HOXA7: variants seen among roughly 807,000 people sequenced by gnomAD.
The protein encoded by HOXA7 is homeobox A7.
A neutral mutation model predicts 16.8 loss-of-function variants in HOXA7; 16 were observed. The ratio of observed to expected loss-of-function variants is 0.95; its 90% CI spans 0.64 to 1.44. HOXA7 has a LOEUF of 1.44. Ranked by LOEUF, HOXA7 falls within the 40% of genes most tolerant of loss-of-function variation. The pLI is 0.00. For synonymous variants in HOXA7, 169 were observed against 144.3 expected, an observed-to-expected ratio of 1.17 and a Z score of -1.23; for missense variants, 379 against 328.6, an observed-to-expected ratio of 1.15 and a Z score of -1.19.
intron 1 of HOXA7, chr7:27,155,486 G>C: frequency 1.9e-6 from 1 of 523,462 alleles, no homozygotes; most frequent in Non-Finnish European, 3.4e-6. Context: ...AGCCGGCTAA[G>C]CTTCCACAAT....
Position 27,156,289 on chromosome 7 carries a change from T to C in HOXA7, c.257A>G (p.Asp86Gly), listed in dbSNP as rs1450272157. Residue 86 changes from aspartate to glycine, a missense_variant, in exon 1 of 2, where the codon GAC becomes GGC. Physicochemically the swap from Asp to Gly is moderately conservative, Grantham distance 94. Transcript: ENST00000242159. ...ACTGCAGAGCCCGGGGATGTTTTGG[T>C]CGTAGGAGGCGCAGGGCAGGTTGCC... is the stretch of plus-strand genomic sequence containing the variant. Reference protein sequence around the residue: ...AYGNLPCASYDQNIPGLCSDL... With the variant: ...AYGNLPCASYGQNIPGLCSDL... 1.9e-6 allele frequency: 3 copies of C among 1,613,460 alleles called. No individual in the cohort carries two copies. The highest frequency in any genetic ancestry group is 2.5e-6 in the Non-Finnish European group (3 of 1,179,856).
Position 27,155,212 on chromosome 7 carries a change from C to T in HOXA7, c.390G>A (p.Arg130=). The T allele has an allele frequency of 6.2e-7, 1 of 1,613,850 alleles. No individual in the cohort carries two copies. The highest frequency in any genetic ancestry group is 8.5e-7 in the Non-Finnish European group (1 of 1,179,952). ...GCGTGTAGGTCTGGCGGCCCCGCTT[C>T]CTGTCAGGTCCTGAGAACAGACATG... ...YPWMRSSGPD[R]KRGRQTYTRY... Residue 130 remains arginine, a synonymous_variant, in exon 2 of 2, where the codon AGG becomes AGA. Transcript: ENST00000242159.
intron 1 of HOXA7, chr7:27,155,716 G>A (rs1382623237): frequency 4.2e-5 from 7 of 168,172 alleles, no homozygotes; most frequent in Non-Finnish European, 7.6e-5. Context: ...ATGGACCCTG[G>A]CACAGGGTCG....
In HOXA7 at chr7:27,154,757, A is replaced by C; in HGVS notation, c.*152T>G. On this transcript the variant is annotated 3_prime_UTR_variant, in exon 2 of 2. Coordinates refer to ENST00000242159, the MANE Select transcript of HOXA7 (RefSeq NM_006896.4). Reference sequence around the variant, plus strand: ...GCTGGAGTAGGTGATGGGGGTGGGTAGAGTGCAGGTTGGGGACTGGGTTGC... The same window carrying C: ...GCTGGAGTAGGTGATGGGGGTGGGTCGAGTGCAGGTTGGGGACTGGGTTGC... 18 of 1,078,706 alleles carry C rather than the reference A, an allele frequency of 1.7e-5. No individual in the cohort carries two copies. Among genetic ancestry groups the C allele is most frequent in the Non-Finnish European group, 1.9e-5 (15 of 777,644 alleles). The allele number at this position is 1,078,706 out of a possible 1,614,324, so 66.8% of individuals were successfully genotyped here.
rs1783107141 is a variant in HOXA7 at position 27,156,351 on chromosome 7, G to T, written c.195C>A (p.Pro65=). The part of the protein sequence containing the change: ...YNVNSPLYQS[P]FASGYGLGAD... ...CGCCCAGGCCGTAGCCGGACGCAAA[G>T]GGGCTCTGATAAAGGGGGCTGTTGA... Residue 65 remains proline, a synonymous_variant, in exon 1 of 2, where the codon CCC becomes CCA. Transcript: ENST00000242159. 1 of 1,614,146 alleles carries T rather than the reference G, an allele frequency of 6.2e-7. No individual in the cohort carries two copies. The highest frequency in any genetic ancestry group is 1.3e-5 in the African/African-American group (1 of 75,070).
rs778216909 is a variant in HOXA7, at chr7:27,156,193, C to G, written c.353G>C (p.Arg118Pro). Residue 118 changes from arginine (R) to proline (P), a missense_variant, in exon 1 of 2, where the codon CGC (arginine) becomes CCC (proline). Transcript: ENST00000242159. ...TGAAGACCGCATCCAGGGGTAGATG[C>G]GGAAATTGGCCTCAGCCGCGCCATG... ...ALHGAAEANF[R>P]IYPWMRSSGP... 3 of 1,581,148 alleles carry G rather than the reference C, an allele frequency of 1.9e-6. No individual in the cohort carries two copies. The highest frequency in any genetic ancestry group is 2.6e-6 in the Non-Finnish European group (3 of 1,162,936).
rs1783043882 is a variant in HOXA7 at position 27,153,729 on chromosome 7, C to T, written c.*1180G>A. On this transcript the variant is annotated 3_prime_UTR_variant, in exon 2 of 2. Transcript: ENST00000242159. Reference sequence around the variant, plus strand: ...AGGCAGTCCACATTTTTCTTTGTCACCACGCATCTTTATTTTCGGTTACAT... The same window carrying T: ...AGGCAGTCCACATTTTTCTTTGTCATCACGCATCTTTATTTTCGGTTACAT... The T allele has an allele frequency of 6.5e-6, 1 of 152,684 alleles. No individual in the cohort carries two copies. Among genetic ancestry groups the T allele is most frequent in the African/African-American group, 2.4e-5 (1 of 41,428 alleles). The allele number at this position is 152,684 out of a possible 1,614,324, so 9.5% of individuals were successfully genotyped here. A position where few individuals can be genotyped will look rare whatever the true frequency, so the allele number is the denominator to read the frequency against.
In HOXA7 at chr7:27,155,093, G is replaced by C. The variant is rs1335089145; in HGVS notation, c.509C>G (p.Thr170Ser). The change falls in exon 2 of 2, where the codon ACC (threonine) becomes AGC (serine). Residue 170 changes from threonine to serine, a missense_variant. Physicochemically the swap from Thr to Ser is moderately conservative, Grantham distance 58. Coordinates refer to ENST00000242159, the MANE Select transcript of HOXA7 (RefSeq NM_006896.4). ...RIEIAHALCL[T>S]ERQIKIWFQN... The stretch of plus-strand genomic sequence containing the variant: ...GAACCAGATCTTAATCTGGCGCTCG[G>C]TGAGGCAGAGCGCGTGGGCGATTTC... 6.2e-7 allele frequency: 1 copy of C among 1,614,138 alleles called. No individual in the cohort carries two copies. The highest frequency in any genetic ancestry group is 8.5e-7 in the Non-Finnish European group (1 of 1,180,056).
intron 1 of HOXA7, 85 bp downstream of exon 1, chr7:27,156,082 G>T: frequency 7.3e-7 from 1 of 1,363,334 alleles, no homozygotes; most frequent in Non-Finnish European, 9.4e-7. Flanking sequence ...CCGGCCCCGC[G>T]CCCCGCGCTC....
Position 27,156,657 on chromosome 7 carries a change from G to T in HOXA7, c.-112C>A. On this transcript the variant is annotated 5_prime_UTR_variant, in exon 1 of 2. Transcript: ENST00000242159. ...TTTACACCAAACCCCATTTTCTTTT[G>T]GACGGAGCTCGCCGCAGCACGTGAC... 1 of 1,228,556 alleles carries T rather than the reference G, an allele frequency of 8.1e-7. No individual in the cohort carries two copies. The highest frequency in any genetic ancestry group is 1.5e-5 in the South Asian group (1 of 67,044). 76.1% of individuals were successfully genotyped at this position (1,228,556 alleles called of 1,614,324 possible).
rs989979316 is a variant in HOXA7 at position 27,154,871 on chromosome 7, C to T, written c.*38G>A. On this transcript the variant is annotated 3_prime_UTR_variant, in exon 2 of 2. Coordinates refer to ENST00000242159, the MANE Select transcript of HOXA7 (RefSeq NM_006896.4). ...CAGTGAGTCTCTTAAAGACGCTTTT[C>T]CGACTGTCCGGTGCAGAGAGGGCCC... 6.4e-7 allele frequency: 1 copy of T among 1,553,116 alleles called. No individual in the cohort carries two copies. The highest frequency in any genetic ancestry group is 8.7e-7 in the Non-Finnish European group (1 of 1,151,346).
Position 27,155,315 on chromosome 7 carries a change from T to C in HOXA7, c.380-93A>G, listed in dbSNP as rs1783087419. 3 of 1,181,328 alleles carry C rather than the reference T, an allele frequency of 2.5e-6. No homozygotes were observed. In the South Asian group the frequency reaches 4.0e-5, roughly 16 times the overall value. The allele number at this position is 1,181,328 out of a possible 1,614,324, so 73.2% of individuals were successfully genotyped here. A position where few individuals can be genotyped will look rare whatever the true frequency, so the allele number is the denominator to read the frequency against. On this transcript the variant is annotated intron_variant, in intron 1 of 1. Transcript: ENST00000242159. ...TGTCCCAGAGCCCGCACCTTCCTCC[T>C]GGCCTAGTCCCCAGCGAGCATCCCC...
At position 27,156,409 on chromosome 7, in the gene HOXA7, G is replaced by T; in HGVS notation, c.137C>A (p.Ala46Asp). Reference sequence around the variant, plus strand: ...TAAGCCCGGAACGGTCGAGGCGAAGGCGCCGGCGCCCGCCCCGTAGCCGCT... The same window carrying T: ...TAAGCCCGGAACGGTCGAGGCGAAGTCGCCGGCGCCCGCCCCGTAGCCGCT... ...QRSGYGAGAG[A>D]FASTVPGLYN... Residue 46 changes from alanine (A) to aspartate (D), a missense_variant, in exon 1 of 2, where the codon GCC becomes GAC. Physicochemically the swap from Ala to Asp is moderately radical, Grantham distance 126. Transcript: ENST00000242159. 5 of 1,613,790 alleles carry T rather than the reference G, an allele frequency of 3.1e-6. No homozygotes were observed. Among genetic ancestry groups the T allele is most frequent in the Non-Finnish European group, 2.5e-6 (3 of 1,179,812 alleles).
Position 27,155,133 on chromosome 7 carries a change from G to C in HOXA7, c.469C>G (p.Arg157Gly), listed in dbSNP as rs774535792. 1.2e-6 allele frequency: 2 copies of C among 1,614,266 alleles called. No homozygotes were observed. Among genetic ancestry groups the C allele is most frequent in the Non-Finnish European group, 8.5e-7 (1 of 1,180,048 alleles). ...KEFHFNRYLT[R>G]RRRIEIAHAL... ...TGGGCGATTTCAATGCGGCGGCGCC[G>C]CGTCAGGTAGCGGTTGAAGTGGAAC... Residue 157 changes from arginine (R) to glycine (G), a missense_variant, in exon 2 of 2, where the codon CGG (arginine) becomes GGG (glycine). Coordinates refer to ENST00000242159, the MANE Select transcript of HOXA7 (RefSeq NM_006896.4).
rs199953368 is a variant in HOXA7 at position 27,154,651 on chromosome 7, G to T, written c.*258C>A. ...CAGGGCCGGCTGGCCTGGGGTTGGG[G>T]GTGTCTTTTGGGGTCCTCGGAGGCA... On this transcript the variant is annotated 3_prime_UTR_variant, in exon 2 of 2. Transcript: ENST00000242159. 3.7e-6 allele frequency: 2 copies of T among 539,418 alleles called. No homozygotes were observed. The highest frequency in any genetic ancestry group is 3.2e-5 in the East Asian group (1 of 31,352). The allele number at this position is 539,418 out of a possible 1,614,324, so 33.4% of individuals were successfully genotyped here.
intron 1 of HOXA7, 142 bp from the exon 2 acceptor site, chr7:27,155,364 G>C: frequency 1.3e-6 from 1 of 756,180 alleles, no homozygotes; most frequent in South Asian, 1.7e-5. Flanking sequence ...CCCGAACTGA[G>C]CTAGGGGAGG....
At position 27,156,234 on chromosome 7, in the gene HOXA7, C is replaced by G. The variant is rs989028923; in HGVS notation, c.312G>C (p.Thr104=). ...CCGCGCCATGCAGCGCGCCCTCGTCCGTCTTGTCGCAGGCGCCTTTGGCGA... is the reference window on the plus strand; with the variant it reads ...CCGCGCCATGCAGCGCGCCCTCGTCGGTCTTGTCGCAGGCGCCTTTGGCGA... ...SDLAKGACDK[T]DEGALHGAAE... is the part of the protein sequence containing the mutation. Residue 104 remains threonine, a synonymous_variant, in exon 1 of 2, where the codon ACG becomes ACC. Transcript: ENST00000242159. 7 of 1,606,360 alleles carry G rather than the reference C, an allele frequency of 4.4e-6. No individual in the cohort carries two copies. Among genetic ancestry groups the G allele is most frequent in the Middle Eastern group, 1.7e-4 (1 of 6,032 alleles).
At chr7:27,155,957 A>G (rs780292612) in intron 1 of HOXA7, 3 of 472,628 alleles carry the variant, frequency 6.3e-6, no homozygotes, top group Non-Finnish European at 1.0e-5. Context: ...TATGAGCCTC[A>G]TTTACATACA....
chr7:27,154,570 T>G lies in HOXA7; in HGVS notation c.*339A>C. The stretch of plus-strand genomic sequence containing the variant: ...CCTCTGGGGCTGGATACATAGGTAG[T>G]TTGGGGGTGCCTCGAGCAGAGGCCT... On this transcript the variant is annotated 3_prime_UTR_variant, in exon 2 of 2. Coordinates refer to ENST00000242159, the MANE Select transcript of HOXA7 (RefSeq NM_006896.4). The G allele has an allele frequency of 1.2e-5, 3 of 253,678 alleles. No homozygotes were observed. The highest frequency in any genetic ancestry group is 7.6e-5 in the East Asian group (1 of 13,198). The allele number at this position is 253,678 out of a possible 1,614,324, so 15.7% of individuals were successfully genotyped here.
Sources: allele counts gnomAD v4.1 joint callset, GRCh38; gene constraint gnomAD v4.1.1; transcripts MANE v1.5; gene names NCBI Gene and HGNC (gene_info 2026-07-23, HGNC 2026-07-21).